CENPQ: variants seen among roughly 807,000 people sequenced by gnomAD.
The protein encoded by CENPQ is chromosome 6 open reading frame 139.
A neutral mutation model predicts 36.6 loss-of-function variants in CENPQ; 27 were observed. The ratio of observed to expected loss-of-function variants is 0.74; its 90% CI spans 0.54 to 1.02. CENPQ has a LOEUF of 1.02. CENPQ is among the 50% of genes least tolerant of loss of function. CENPQ has a pLI of 0.00. For synonymous variants in CENPQ, 101 were observed against 101.7 expected (o/e 0.99, Z 0.04); for missense variants, 306 against 301.8 (o/e 1.01, Z -0.10).
intron 5 of CENPQ, among the ~76,000 whole-genome samples, chr6:49,475,481 A>G (rs1050096513): frequency 7.9e-5 from 12 of 152,352 alleles, no homozygotes; most frequent in African/African-American, 2.9e-4. Flanking sequence ...TGAATGGGCA[A>G]AAACTGGAAG....
chr6:49,487,434 C>A (rs980039389), intron 6 of CENPQ, among the ~76,000 whole-genome samples: 1 of 100,194 alleles, frequency 1.0e-5, no homozygotes, highest in Non-Finnish European at 2.0e-5. Context: ...CAATTGCTGA[C>A]CCCTGCAGCT....
rs1768755734 is a variant in CENPQ, at chr6:49,492,781, G to C, written c.*506G>C. 6.6e-6 allele frequency: 1 copy of C among 152,392 alleles called. No individual in the cohort carries two copies. The highest frequency in any genetic ancestry group is 2.4e-5 in the African/African-American group (1 of 41,426). The allele number at this position is 152,392 out of a possible 1,614,324, so 9.4% of individuals were successfully genotyped here. ...AACTCCCTAGTCTTTTTGGGAAGTAGTTAAGATATGCCTGCTATCTTTAAC... is the reference window on the plus strand; with the variant it reads ...AACTCCCTAGTCTTTTTGGGAAGTACTTAAGATATGCCTGCTATCTTTAAC... On this transcript the variant is annotated 3_prime_UTR_variant, in exon 9 of 9. Coordinates refer to ENST00000335783, the MANE Select transcript of CENPQ (RefSeq NM_018132.4).
intron 5 of CENPQ, among the ~76,000 whole-genome samples, chr6:49,479,966 C>T (rs1003392068): frequency 5.3e-5 from 8 of 151,970 alleles, no homozygotes; most frequent in African/African-American, 1.2e-4. Flanking sequence ...GGCCTACTTG[C>T]GGGAGGAGAG....
intron 5 of CENPQ, among the ~76,000 whole-genome samples, chr6:49,473,603 C>G (rs1260355584): frequency 6.6e-6 from 1 of 152,186 alleles, no homozygotes; most frequent in Admixed American, 6.5e-5. Context: ...TAGGAAGAAA[C>G]TGCATCAACT....
At chr6:49,487,452 C>T (rs2448703) in intron 6 of CENPQ, among the ~76,000 whole-genome samples, 3 of 22,456 alleles carry the variant, frequency 1.3e-4, no homozygotes, top group South Asian at 1.3e-3. Flanking sequence ...GCTACCCTTT[C>T]TTAAAAAAAA....
At chr6:49,481,965 C>A (rs1002814288) in intron 6 of CENPQ, among the ~76,000 whole-genome samples, 1 of 152,192 alleles carries the variant, frequency 6.6e-6, no homozygotes, top group African/African-American at 2.4e-5. Flanking sequence ...TGAGCCCTGC[C>A]CCACAGGGAG....
chr6:49,473,196 A>C (rs957443735), intron 5 of CENPQ, among the ~76,000 whole-genome samples: 4 of 152,136 alleles, frequency 2.6e-5, no homozygotes, highest in Non-Finnish European at 5.9e-5. Flanking sequence ...ACTCTTATCT[A>C]TCTGATATTT....
intron 5 of CENPQ, among the ~76,000 whole-genome samples, chr6:49,476,774 C>G (rs942905653): frequency 6.6e-6 from 1 of 152,216 alleles, no homozygotes; most frequent in Non-Finnish European, 1.5e-5. Flanking sequence ...TGAACAGACA[C>G]TTCTCAAAAG....
At chr6:49,482,747 A>T (rs1768472079) in intron 6 of CENPQ, among the ~76,000 whole-genome samples, 1 of 151,868 alleles carries the variant, frequency 6.6e-6, no homozygotes, top group Non-Finnish European at 1.5e-5. Context: ...ATGTGTCTGG[A>T]GTTGGTGGGT....
chr6:49,476,105 C>T (rs1314911699), intron 5 of CENPQ, among the ~76,000 whole-genome samples: 1 of 151,918 alleles, frequency 6.6e-6, no homozygotes, highest in African/African-American at 2.4e-5. Flanking sequence ...AAAAAGGGCC[C>T]GCATTGCCAA....
chr6:49,472,650 C>A (rs4348317), intron 4 of CENPQ, 140 bp from the exon 5 acceptor site: 201,665 of 565,592 alleles, frequency 0.36, 36,491 homozygotes, highest in South Asian at 0.37. Flanking sequence ...TTTAAAGTGT[C>A]TTTAATATGA....
intron 5 of CENPQ, among the ~76,000 whole-genome samples, chr6:49,474,675 G>A (rs879451257): frequency 2.0e-5 from 3 of 152,190 alleles, no homozygotes; most frequent in Non-Finnish European, 2.9e-5. Flanking sequence ...CAGAACTAAA[G>A]GAGATAGAGA....
chr6:49,474,331 T>A (rs938561190), intron 5 of CENPQ, among the ~76,000 whole-genome samples: 6 of 152,066 alleles, frequency 3.9e-5, no homozygotes, highest in African/African-American at 1.4e-4. Context: ...CAGACCACAG[T>A]GCAATCAAAC....
At chr6:49,489,805 T>G (rs1768674841) in intron 8 of CENPQ, among the ~76,000 whole-genome samples, 1 of 152,194 alleles carries the variant, frequency 6.6e-6, no homozygotes, top group Non-Finnish European at 1.5e-5. Flanking sequence ...ACTGTGAACA[T>G]TTTCAATGAG....
At chr6:49,479,607 C>A (rs754388413) in intron 5 of CENPQ, among the ~76,000 whole-genome samples, 2 of 152,166 alleles carry the variant, frequency 1.3e-5, no homozygotes, top group Non-Finnish European at 2.9e-5. Flanking sequence ...TACCATCCAA[C>A]CCAGCAATCC....
intron 3 of CENPQ, among the ~76,000 whole-genome samples, chr6:49,471,325 G>A (rs1251108468): frequency 6.6e-6 from 1 of 152,122 alleles, no homozygotes; most frequent in Non-Finnish European, 1.5e-5. Context: ...AAATACAAAT[G>A]TACTAATTTT....
intron 6 of CENPQ, among the ~76,000 whole-genome samples, chr6:49,482,708 T>C (rs1185153439): frequency 1.3e-5 from 2 of 152,162 alleles, no homozygotes; most frequent in Admixed American, 6.5e-5. Flanking sequence ...CGCTTGGCGA[T>C]AGGCGAAGGT....
rs1581855465 is a variant in CENPQ at position 49,486,340 on chromosome 6, A to T, written c.478-2012A>T. Among the ~76,000 whole-genome samples, 4 of 152,338 alleles carry T rather than the reference A, an allele frequency of 2.6e-5. No individual in the cohort carries two copies. The South Asian group carries it at 8.3e-4, about 32-fold the overall frequency. ...TGTTATTTTAAGCCAAGTAGGTGGT[A>T]CAGCAGCCACGGGAAACTAATATAT... is the stretch of plus-strand genomic sequence containing the variant. On this transcript the variant is annotated intron_variant, in intron 6 of 8. Transcript: ENST00000335783.
intron 3 of CENPQ, among the ~76,000 whole-genome samples, chr6:49,471,621 CT>C (rs1346016579): frequency 6.6e-6 from 1 of 151,926 alleles, no homozygotes; most frequent in East Asian, 1.9e-4. Context: ...ACTATTTCTT[CT>C]TTTTTTTAAT....
Sources: allele counts gnomAD v4.1 joint callset (sites outside exome capture counted in the v4.1 genomes callset), GRCh38; gene constraint gnomAD v4.1.1; transcripts MANE v1.5; gene names NCBI Gene and HGNC (gene_info 2026-07-23, HGNC 2026-07-21).